The following KIF21B variants were observed in gnomAD, a reference collection of about 807,000 sequenced individuals.
KIF21B encodes kinesin-like protein KIF21B.
In KIF21B, 85 loss-of-function variants were observed where a neutral mutation model predicts 192.9. The observed-to-expected ratio is 0.44, with a 90% confidence interval of 0.37 to 0.53. KIF21B has a LOEUF of 0.53. KIF21B is among the 20% of genes least tolerant of loss of function. KIF21B has a pLI of 0.00. For synonymous variants in KIF21B, 832 were observed against 884.6 expected, an observed-to-expected ratio of 0.94 and a Z score of 1.05; for missense variants, 1,716 against 2,194.8, an observed-to-expected ratio of 0.78 and a Z score of 4.36.
intron 3 of KIF21B, 94 bp from the exon 4 acceptor site, chr1:201,005,788 T>A: frequency 7.5e-7 from 1 of 1,335,438 alleles, no homozygotes; most frequent in Non-Finnish European, 1.0e-6. Flanking sequence ...TTTACAGATG[T>A]GGAAACTGAG....
intron 1 of KIF21B, among the ~76,000 whole-genome samples, chr1:201,014,013 C>A (rs1375933769): frequency 6.6e-6 from 1 of 152,216 alleles, no homozygotes; most frequent in Non-Finnish European, 1.5e-5. Flanking sequence ...AGAAAGGCCC[C>A]CGGAATCTCC....
Position 200,971,418 on chromosome 1 carries a change from C to A in KIF21B, c.*2103G>T, listed in dbSNP as rs1655204606. 2 of 152,722 alleles carry A rather than the reference C, an allele frequency of 1.3e-5. No homozygotes were observed. The highest frequency in any genetic ancestry group is 2.1e-4 in the South Asian group (1 of 4,830). The allele number at this position is 152,722 out of a possible 1,614,324, so 9.5% of individuals were successfully genotyped here. ...ACGCCTTGCAGCTACAGTGCAGTCACCCCAGGTGGGGCATCCCCGGCCCGG... is the reference window on the plus strand; with the variant it reads ...ACGCCTTGCAGCTACAGTGCAGTCAACCCAGGTGGGGCATCCCCGGCCCGG... On this transcript the variant is annotated 3_prime_UTR_variant, in exon 35 of 35. Transcript: ENST00000461742.
chr1:201,003,920 C>T, intron 7 of KIF21B, 139 bp from the exon 8 acceptor site: 1 of 854,742 alleles, frequency 1.2e-6, no homozygotes, highest in Non-Finnish European at 1.9e-6. Context: ...CAGGACAGAA[C>T]CTGGGATGTG....
intron 1 of KIF21B, among the ~76,000 whole-genome samples, chr1:201,012,283 CAG>C (rs1491496142): frequency 2.6e-5 from 4 of 152,184 alleles, no homozygotes; most frequent in South Asian, 2.1e-4. Flanking sequence ...GGCTGGGAGA[CAG>C]GGGGGCATGG....
Position 201,009,313 on chromosome 1 carries a change from C to T in KIF21B, c.217G>A (p.Glu73Lys), listed in dbSNP as rs781638599. The stretch of plus-strand genomic sequence containing the variant: ...GCATTATAGCCCTCGAAGCAGCCCT[C>T]GATGAGCTTGCTCACACAGGTGGAA... ...IYSTCVSKLI[E>K]GCFEGYNATV... The change falls in exon 2 of 35, where the codon GAG becomes AAG. Residue 73 changes from glutamate (E) to lysine (K), a missense_variant. Around this residue, in one of 3 missense-constraint regions of KIF21B, gnomAD observed 1,087 missense variants for 1,316.6 expected, o/e 0.83. Transcript: ENST00000461742. 4.3e-6 allele frequency: 7 copies of T among 1,614,268 alleles called. No individual in the cohort carries two copies. Among genetic ancestry groups the T allele is most frequent in the African/African-American group, 2.7e-5 (2 of 75,068 alleles).
chr1:201,010,787 C>T (rs1054581822), intron 1 of KIF21B, among the ~76,000 whole-genome samples: 3 of 152,228 alleles, frequency 2.0e-5, no homozygotes, highest in African/African-American at 7.2e-5. Flanking sequence ...CCCCAGCTGC[C>T]CCAGCCCCCA....
rs1558034990 is a variant in KIF21B, at chr1:201,023,328, GC to G, written c.41+14del. ...GGCTTCTCCGCGCGCCCCCTTCCCCGCCCCGGGTCCCTACCTGACGGCCACC... is the reference window on the plus strand; with the variant it reads ...GGCTTCTCCGCGCGCCCCCTTCCCCGCCCGGGTCCCTACCTGACGGCCACC... On this transcript the variant is annotated intron_variant, in intron 1 of 34. Transcript: ENST00000461742. The surrounding 1 kb of genome is among the most constrained non-coding windows in gnomAD (Gnocchi z 5.9). The G allele has an allele frequency of 6.6e-7, 1 of 1,522,952 alleles. No individual in the cohort carries two copies. The highest frequency in any genetic ancestry group is 8.8e-7 in the Non-Finnish European group (1 of 1,137,252). 94.3% of individuals were successfully genotyped at this position (1,522,952 alleles called of 1,614,324 possible).
At chr1:201,013,483 G>A (rs1658342606) in intron 1 of KIF21B, among the ~76,000 whole-genome samples, 1 of 152,150 alleles carries the variant, frequency 6.6e-6, no homozygotes, top group African/African-American at 2.4e-5. Flanking sequence ...TTTCCTCCCT[G>A]GGGGCATGGG....
Position 200,972,649 on chromosome 1 carries a change from A to G in KIF21B, c.*872T>C, listed in dbSNP as rs1269895910. 6.5e-6 allele frequency: 1 copy of G among 152,838 alleles called. No homozygotes were observed. Among genetic ancestry groups the G allele is most frequent in the Non-Finnish European group, 1.5e-5 (1 of 68,218 alleles). The allele number at this position is 152,838 out of a possible 1,614,324, so 9.5% of individuals were successfully genotyped here. ...GGCGGCCTAGAGGCCAGGGGTAGCT[A>G]GAAGACTCCCTGGGGGCTGTGTCGG... On this transcript the variant is annotated 3_prime_UTR_variant, in exon 35 of 35. Coordinates refer to ENST00000461742, the MANE Select transcript of KIF21B (RefSeq NM_001252102.2).
intron 14 of KIF21B, among the ~76,000 whole-genome samples, chr1:200,997,186 G>C (rs1245192430): frequency 6.6e-6 from 1 of 152,166 alleles, no homozygotes; most frequent in Non-Finnish European, 1.5e-5. Context: ...TAGCTCTCTT[G>C]AAACTCCACA....
chr1:200,996,341 T>A lies in KIF21B; in HGVS notation c.2132A>T (p.Glu711Val). 1 of 1,614,122 alleles carries A rather than the reference T, an allele frequency of 6.2e-7. No individual in the cohort carries two copies. The highest frequency in any genetic ancestry group is 8.5e-7 in the Non-Finnish European group (1 of 1,180,014). The change falls in exon 15 of 35, where the codon GAG (glutamate) becomes GTG (valine). Residue 711 changes from glutamate to valine, a missense_variant. Transcript: ENST00000461742. ...CCGGTTCATCTCCCGCAGCCTCTTCTCATAGTCTGCCTTGATCTTGTTGGC... is the reference window on the plus strand; with the variant it reads ...CCGGTTCATCTCCCGCAGCCTCTTCACATAGTCTGCCTTGATCTTGTTGGC... ...EKANKIKADYEKRLREMNRDL... is the reference protein window; with the variant it reads ...EKANKIKADYVKRLREMNRDL...
Position 200,973,376 on chromosome 1 carries a change from C to T in KIF21B, c.*145G>A. ...GAGGGAACAGTGTCCTGTGGGAAGG[C>T]CAAGGGAGAGGGAGGAGGGCAGGAG... On this transcript the variant is annotated 3_prime_UTR_variant, in exon 35 of 35. Coordinates refer to ENST00000461742, the MANE Select transcript of KIF21B (RefSeq NM_001252102.2). 1 of 1,046,232 alleles carries T rather than the reference C, an allele frequency of 9.6e-7. No individual in the cohort carries two copies. The highest frequency in any genetic ancestry group is 1.3e-6 in the Non-Finnish European group (1 of 782,086). The allele number at this position is 1,046,232 out of a possible 1,614,324, so 64.8% of individuals were successfully genotyped here. A position where few individuals can be genotyped will look rare whatever the true frequency, so the allele number is the denominator to read the frequency against.
chr1:201,005,258 G>A (rs755288132), intron 5 of KIF21B, 50 bp downstream of exon 5: 24 of 1,515,316 alleles, frequency 1.6e-5, no homozygotes, highest in South Asian at 5.2e-5. Flanking sequence ...TGCCCTTCCC[G>A]GGATACCCCT....
In KIF21B at chr1:200,975,510, C is replaced by T; in HGVS notation, c.4603G>A (p.Glu1535Lys). The change falls in exon 33 of 35, where the codon GAG becomes AAG. Residue 1535 changes from glutamate (E) to lysine (K), a missense_variant. Glu to Lys is a moderately conservative substitution (Grantham distance 56). Transcript: ENST00000461742. The surrounding 1 kb of genome is among the most constrained non-coding windows in gnomAD (Gnocchi z 4.3). ...CCTCCTGACCCCACCTGGATGAGCT[C>T]CTGCTGGTCTAGGTCCCACTTCTTG... Reference protein sequence around the residue: ...GIKKWDLDQQELIQQIPNAHK... With the variant: ...GIKKWDLDQQKLIQQIPNAHK... 1 of 1,611,594 alleles carries T rather than the reference C, an allele frequency of 6.2e-7. No homozygotes were observed. The highest frequency in any genetic ancestry group is 8.5e-7 in the Non-Finnish European group (1 of 1,178,088).
chr1:200,983,215 G>A, intron 27 of KIF21B, 121 bp from the exon 28 acceptor site: 2 of 810,982 alleles, frequency 2.5e-6, no homozygotes, highest in Admixed American at 4.0e-5. Context: ...CAGCGGAGCA[G>A]AGACAGGCAG....
At position 201,003,744 on chromosome 1, in the gene KIF21B, G is replaced by T. The variant is rs1320150740; in HGVS notation, c.1054C>A (p.Arg352=). ...GTGTTGAGGGTCTCCATGAAATCTC[G>T]GTCTGAGGGGCTCACACAGGCGATC... is the stretch of plus-strand genomic sequence containing the variant. ...IMIACVSPSD[R]DFMETLNTLK... is the part of the protein sequence containing the mutation. The change falls in exon 8 of 35, where the codon CGA becomes AGA. Residue 352 remains arginine (R), a synonymous_variant. Transcript: ENST00000461742. 4.3e-6 allele frequency: 7 copies of T among 1,614,130 alleles called. No individual in the cohort carries two copies. The East Asian group carries it at 1.6e-4, about 36-fold the overall frequency.
In KIF21B at chr1:200,973,135, G is replaced by A. The variant is rs1001343416; in HGVS notation, c.*386C>T. 5.0e-4 allele frequency: 97 copies of A among 194,076 alleles called. 1 individual carries two copies. In the Middle Eastern group the frequency reaches 5.6e-3, roughly 11 times the overall value. The allele number at this position is 194,076 out of a possible 1,614,324, so 12.0% of individuals were successfully genotyped here. A position where few individuals can be genotyped will look rare whatever the true frequency, so the allele number is the denominator to read the frequency against. ...GGAGAAGCGGGGAGGCCAGCTCCTC[G>A]GAAGGGTGGGATGGGGCCAGGCTGC... On this transcript the variant is annotated 3_prime_UTR_variant, in exon 35 of 35. Coordinates refer to ENST00000461742, the MANE Select transcript of KIF21B (RefSeq NM_001252102.2).
chr1:200,987,257 G>T (rs1339445422), intron 24 of KIF21B, 56 bp from the exon 25 acceptor site: 19 of 1,480,194 alleles, frequency 1.3e-5, no homozygotes, highest in Non-Finnish European at 1.7e-5. Flanking sequence ...GCACATAAAG[G>T]GGAGCCAGGG....
In KIF21B at chr1:201,023,014, G is replaced by A. The variant is rs1455914669; in HGVS notation, c.41+329C>T. Among the ~76,000 whole-genome samples, 1 of 152,276 alleles carries A rather than the reference G, an allele frequency of 6.6e-6. No homozygotes were observed. Among genetic ancestry groups the A allele is most frequent in the Non-Finnish European group, 1.5e-5 (1 of 68,050 alleles). On this transcript the variant is annotated intron_variant, in intron 1 of 34. Transcript: ENST00000461742. This position sits in a 1 kb window ranked among gnomAD's most constrained non-coding sequence, Gnocchi z 5.9. ...GACAGCAGCCTCGTGGGGAGGCGAA[G>A]AGGAAACGCACAGACGCTCCGGCCT...
Sources: allele counts gnomAD v4.1 joint callset (sites outside exome capture counted in the v4.1 genomes callset), GRCh38; gene constraint gnomAD v4.1.1; regional missense constraint gnomAD v4.1.1; non-coding constraint Gnocchi (gnomAD v3.1); transcripts MANE v1.5; gene names NCBI Gene and HGNC (gene_info 2026-07-23, HGNC 2026-07-21).